The following CLDN16 variants were observed in gnomAD, a reference collection of about 807,000 sequenced individuals.
The protein encoded by CLDN16 is claudin-16.
Under a neutral mutation model 24.6 loss-of-function variants are expected in CLDN16, and 13 were observed. That is an observed-to-expected ratio of 0.53 (90% CI 0.34 to 0.84). The LOEUF (loss-of-function observed/expected upper bound fraction) is 0.84. Ranked by LOEUF, CLDN16 falls within the 40% of genes least tolerant of loss-of-function variation. The pLI is 0.01. For missense variants in CLDN16, 298 were observed against 292.7 expected (o/e 1.02, Z -0.13); for synonymous variants, 116 against 106.7 (o/e 1.09, Z -0.54).
chr3:190,316,358 G>A, the CLDN16 span, among the ~76,000 whole-genome samples: 1 of 152,076 alleles, frequency 6.6e-6, no homozygotes, highest in Non-Finnish European at 1.5e-5. Flanking sequence ...TGCTTCATTG[G>A]AGATATTTGG....
the CLDN16 span, chr3:190,307,194 T>C: frequency 2.0e-5 from 3 of 152,718 alleles, no homozygotes; most frequent in East Asian, 5.8e-4. Context: ...ACAGAGAGAA[T>C]ATTTGTCACC....
chr3:190,333,555 TATCTATCTATCTATCTATCTATCTATCA>T (rs1293477734), intron 1 of CLDN16, among the ~76,000 whole-genome samples: 3 of 127,846 alleles, frequency 2.3e-5, no homozygotes, highest in Admixed American at 7.9e-5. Context: ...TCTATCTATC[TATCTATCTATCTATCTATCTATCTATCA>T]ATCATCTTTC....
rs78646746 is a variant in CLDN16, at chr3:190,363,855, C to G, written n.122-7038C>G. On this transcript the variant is annotated intron_variant and non_coding_transcript_variant, in intron 1 of 4. Transcript: ENST00000468220. ...GTCTCTTTCCTATTCTCTTTTTTCTCAAATCTAATCTTCCTCCAGACTTCT... is the reference window on the plus strand; with the variant it reads ...GTCTCTTTCCTATTCTCTTTTTTCTGAAATCTAATCTTCCTCCAGACTTCT... Among the ~76,000 whole-genome samples, 484 of 151,666 alleles carry G rather than the reference C, an allele frequency of 3.2e-3. 4 individuals are homozygous for G. The highest frequency in any genetic ancestry group is 0.011 in the African/African-American group (461 of 41,440).
At chr3:190,331,168 G>T (rs1425361733) in intron 1 of CLDN16, among the ~76,000 whole-genome samples, 2 of 152,202 alleles carry the variant, frequency 1.3e-5, no homozygotes, top group Non-Finnish European at 2.9e-5. Flanking sequence ...GTCTGATTAT[G>T]CCTGCCCTTA....
chr3:190,361,567 G>GCTGC (rs1717888245), intron 1 of CLDN16, among the ~76,000 whole-genome samples: 1 of 151,978 alleles, frequency 6.6e-6, no homozygotes, highest in African/African-American at 2.4e-5. Context: ...TAGGGGTCAT[G>GCTGC]CTGCCTCTGG....
At chr3:190,386,631 T>A (rs779598771), upstream of CLDN16, among the ~76,000 whole-genome samples, 42 of 152,302 alleles carry the variant, frequency 2.8e-4, no homozygotes, top group Admixed American at 5.9e-4. Flanking sequence ...GAATTGTTTA[T>A]CTATGAAATT....
At chr3:190,326,737 C>G (rs1025661293) in intron 1 of CLDN16, among the ~76,000 whole-genome samples, 2 of 152,114 alleles carry the variant, frequency 1.3e-5, no homozygotes, top group Non-Finnish European at 2.9e-5. Flanking sequence ...CCCTTAACTC[C>G]TAGCCTAGCA....
chr3:190,297,580 A>G, the CLDN16 span, among the ~76,000 whole-genome samples: 3 of 138,826 alleles, frequency 2.2e-5, no homozygotes, highest in Non-Finnish European at 3.1e-5. Context: ...TATATAATAT[A>G]TAATATATAT....
At chr3:190,352,793 GA>G (rs67683738) in intron 1 of CLDN16, among the ~76,000 whole-genome samples, 59,945 of 145,478 alleles carry the variant, frequency 0.41, 12,789 homozygotes, top group Middle Eastern at 0.55. Context: ...TGTTTTCTCA[GA>G]AAAAAAAAAA....
the CLDN16 span, among the ~76,000 whole-genome samples, chr3:190,311,026 AT>A: frequency 6.6e-6 from 1 of 152,208 alleles, no homozygotes; most frequent in Non-Finnish European, 1.5e-5. Flanking sequence ...ATATAGATAG[AT>A]TAGATGTTTC....
At chr3:190,394,509 C>T (rs148417957) in intron 1 of CLDN16, among the ~76,000 whole-genome samples, 238 of 152,024 alleles carry the variant, frequency 1.6e-3, no homozygotes, top group Non-Finnish European at 1.0e-3. Flanking sequence ...TTATTATATC[C>T]AGCATGCCCG....
chr3:190,347,116 G>T (rs1026037808), intron 1 of CLDN16, among the ~76,000 whole-genome samples: 1 of 152,090 alleles, frequency 6.6e-6, no homozygotes, highest in African/African-American at 2.4e-5. Context: ...TATGTCCAAG[G>T]TCACAAAGCT....
At chr3:190,343,319 C>T (rs1051204022) in intron 1 of CLDN16, among the ~76,000 whole-genome samples, 5 of 151,938 alleles carry the variant, frequency 3.3e-5, no homozygotes, top group African/African-American at 1.2e-4. Context: ...AAATGTTGAT[C>T]AGGGTGTGGA....
chr3:190,379,719 A>G (rs186781019), intron 3 of CLDN16, among the ~76,000 whole-genome samples: 15 of 152,192 alleles, frequency 9.9e-5, no homozygotes, highest in African/African-American at 3.6e-4. Flanking sequence ...TCACGAACAC[A>G]TTTCTTAATA....
At chr3:190,301,561 C>CT in the CLDN16 span, among the ~76,000 whole-genome samples, 2 of 152,042 alleles carry the variant, frequency 1.3e-5, no homozygotes, top group African/African-American at 2.4e-5. Flanking sequence ...AAATTTCTGA[C>CT]TTTTTTTCAA....
At chr3:190,317,759 G>A (rs1186977260), upstream of CLDN16, among the ~76,000 whole-genome samples, 2 of 152,166 alleles carry the variant, frequency 1.3e-5, no homozygotes, top group Admixed American at 6.5e-5. Flanking sequence ...TATACAGAAA[G>A]TCAACCCTCC....
At chr3:190,387,048 T>C (rs1718518245), upstream of CLDN16, among the ~76,000 whole-genome samples, 1 of 152,154 alleles carries the variant, frequency 6.6e-6, no homozygotes, top group Non-Finnish European at 1.5e-5. Flanking sequence ...TTTTCTCTGC[T>C]CCTTTCTTTC....
chr3:190,387,840 A>G, upstream of CLDN16: 1 of 471,122 alleles, frequency 2.1e-6, no homozygotes, highest in Admixed American at 3.4e-5. Flanking sequence ...AATAGTCCTA[A>G]CAATAAAATA....
At chr3:190,385,916 C>T (rs1347363013), upstream of CLDN16, among the ~76,000 whole-genome samples, 10 of 152,284 alleles carry the variant, frequency 6.6e-5, no homozygotes, top group South Asian at 1.9e-3. Context: ...CTGGCTTCCA[C>T]TCCCAATTTC....
Sources: allele counts gnomAD v4.1 joint callset (sites outside exome capture counted in the v4.1 genomes callset), GRCh38; gene constraint gnomAD v4.1.1; transcripts MANE v1.5; gene names NCBI Gene and HGNC (gene_info 2026-07-23, HGNC 2026-07-21).